ARK2C: variants seen among roughly 807,000 people sequenced by gnomAD.
The protein encoded by ARK2C is E3 ubiquitin-protein ligase ARK2C.
At chr18:46,391,042 C>T in the ARK2C span, among the ~76,000 whole-genome samples, 1 of 152,154 alleles carries the variant, frequency 6.6e-6, no homozygotes. Context: ...AAAGTCTGCC[C>T]TTGGGTCTGA....
the ARK2C span, among the ~76,000 whole-genome samples, chr18:46,404,381 G>C: frequency 2.6e-5 from 4 of 152,274 alleles, no homozygotes; most frequent in South Asian, 8.3e-4. Context: ...GAAGACATGA[G>C]CAGGTATTAA....
the ARK2C span, among the ~76,000 whole-genome samples, chr18:46,370,772 T>A: frequency 6.6e-6 from 1 of 152,102 alleles, no homozygotes; most frequent in Non-Finnish European, 1.5e-5. Context: ...TGACAGAGGT[T>A]GACAGGAGGC....
the ARK2C span, chr18:46,456,865 G>C: frequency 1.9e-6 from 1 of 524,112 alleles, no homozygotes; most frequent in Non-Finnish European, 3.5e-6. Context: ...CTGAGCAGGA[G>C]AGAGGGAGCT....
chr18:46,411,118 C>T, the ARK2C span, among the ~76,000 whole-genome samples: 3 of 152,322 alleles, frequency 2.0e-5, no homozygotes, highest in African/African-American at 7.2e-5. Flanking sequence ...TGTTGGCATT[C>T]CCTTAGCACC....
At chr18:46,363,945 C>CTTTTTTTTTTTTTTTTTTTTTTTTTCCT in the ARK2C span, among the ~76,000 whole-genome samples, 1 of 125,578 alleles carries the variant, frequency 8.0e-6, no homozygotes, top group Non-Finnish European at 1.7e-5. Context: ...TTTTTCTTTT[C>CTTTTTTTTTTTTTTTTTTTTTTTTTCCT]TTTTTTTTTT....
At chr18:46,443,895 A>C in the ARK2C span, among the ~76,000 whole-genome samples, 2 of 152,132 alleles carry the variant, frequency 1.3e-5, no homozygotes, top group Non-Finnish European at 2.9e-5. Flanking sequence ...ATTTTTCTTT[A>C]GTTTGAAGAA....
At chr18:46,404,707 C>T in the ARK2C span, among the ~76,000 whole-genome samples, 2 of 151,956 alleles carry the variant, frequency 1.3e-5, no homozygotes, top group South Asian at 2.1e-4. Context: ...GAGCCGAGAC[C>T]GCGCCGCCAC....
the ARK2C span, among the ~76,000 whole-genome samples, chr18:46,425,609 G>GC: frequency 6.6e-6 from 1 of 152,278 alleles, no homozygotes; most frequent in East Asian, 1.9e-4. Context: ...CCCTGAAGAA[G>GC]CCTTGCTGCC....
At chr18:46,447,708 C>T in the ARK2C span, 606 of 1,614,062 alleles carry the variant, frequency 3.8e-4, no homozygotes, top group African/African-American at 1.5e-3. Flanking sequence ...TGAAAGAAGA[C>T]GGACTCCCTT....
At chr18:46,422,612 G>A in the ARK2C span, among the ~76,000 whole-genome samples, 1 of 152,178 alleles carries the variant, frequency 6.6e-6, no homozygotes, top group African/African-American at 2.4e-5. Context: ...CCCCGACCGA[G>A]GTCCAGCTCT....
At chr18:46,444,715 C>T in the ARK2C span, among the ~76,000 whole-genome samples, 3 of 152,094 alleles carry the variant, frequency 2.0e-5, no homozygotes, top group African/African-American at 7.2e-5. Flanking sequence ...TAAAATGATC[C>T]TCCTGCCTTG....
chr18:46,347,131 C>T, the ARK2C span, among the ~76,000 whole-genome samples: 1 of 152,158 alleles, frequency 6.6e-6, no homozygotes, highest in African/African-American at 2.4e-5. Context: ...GGAGCTGTTC[C>T]CCGAGGAGGA....
the ARK2C span, among the ~76,000 whole-genome samples, chr18:46,413,315 C>G: frequency 6.6e-6 from 1 of 151,958 alleles, no homozygotes; most frequent in Non-Finnish European, 1.5e-5. Context: ...TCCCAGGGAC[C>G]CTGGGAAGAT....
At chr18:46,423,204 C>A in the ARK2C span, among the ~76,000 whole-genome samples, 13 of 152,168 alleles carry the variant, frequency 8.5e-5, no homozygotes, top group Admixed American at 2.0e-4. Context: ...TACAGAAGCA[C>A]CCAAGGGCCT....
the ARK2C span, among the ~76,000 whole-genome samples, chr18:46,378,833 G>A: frequency 5.3e-5 from 8 of 152,284 alleles, no homozygotes; most frequent in East Asian, 7.7e-4. Flanking sequence ...GCTGCACAAC[G>A]GAGGGGGTGC....
At chr18:46,366,286 C>T in the ARK2C span, among the ~76,000 whole-genome samples, 1 of 109,842 alleles carries the variant, frequency 9.1e-6, no homozygotes, top group Non-Finnish European at 1.7e-5. Flanking sequence ...GAGCAGAACT[C>T]TGGCTCAAAA....
At chr18:46,433,554 G>C in the ARK2C span, 5 of 1,505,856 alleles carry the variant, frequency 3.3e-6, no homozygotes, top group South Asian at 5.1e-5. Context: ...GGTCGGGTGA[G>C]GGGGCAGGGC....
At chr18:46,402,074 G>A in the ARK2C span, among the ~76,000 whole-genome samples, 1 of 152,242 alleles carries the variant, frequency 6.6e-6, no homozygotes, top group East Asian at 1.9e-4. Flanking sequence ...TGTTTTGTGA[G>A]GCAATCCACC....
At chr18:46,394,757 G>A in the ARK2C span, among the ~76,000 whole-genome samples, 3 of 152,242 alleles carry the variant, frequency 2.0e-5, no homozygotes, top group East Asian at 1.9e-4. Flanking sequence ...GTTCAAGGAC[G>A]ACTGTGGATC....
Sources: gnomAD v4.1 joint callset for allele counts (sites outside exome capture counted in the v4.1 genomes callset) on GRCh38, gnomAD v4.1.1 for gene constraint, MANE v1.5 for transcripts, NCBI Gene and HGNC (gene_info 2026-07-23, HGNC 2026-07-21) for gene names.